FRMD4B: variants seen among roughly 807,000 people sequenced by gnomAD.
The protein encoded by FRMD4B is FERM domain-containing protein 4B.
A neutral mutation model predicts 141.5 loss-of-function variants in FRMD4B; 74 were observed. The observed-to-expected ratio is 0.52, with a 90% CI of 0.43 to 0.63. FRMD4B has a LOEUF of 0.63. FRMD4B is among the 30% of genes least tolerant of loss of function. The probability of loss-of-function intolerance (pLI) is 0.00; values close to 1 mark genes in which losing one functional copy is unlikely to be tolerated. For synonymous variants in FRMD4B, 506 were observed against 467.9 expected (o/e 1.08, Z -1.05); for missense variants, 1,366 against 1,253.4 (o/e 1.09, Z -1.36).
chr3:69,447,553 T>C (rs1705427830), intron 1 of FRMD4B, among the ~76,000 whole-genome samples: 2 of 152,238 alleles, frequency 1.3e-5, no homozygotes, highest in Admixed American at 6.5e-5. Flanking sequence ...GGAATATTTC[T>C]CTTTTTTTGA....
chr3:69,185,939 G>C (rs1032461034), intron 19 of FRMD4B, among the ~76,000 whole-genome samples: 2 of 151,938 alleles, frequency 1.3e-5, no homozygotes, highest in African/African-American at 4.8e-5. Flanking sequence ...CTACTTGGAA[G>C]GCTGAGGGGG....
At position 69,363,529 on chromosome 3, in the gene FRMD4B, A is replaced by G. The variant is rs1703539699; in HGVS notation, c.162+22299T>C. ...CTCAGCCTCCCGAGTAGCTGGGACT[A>G]CAGGCGCCTGCCACCACGCCTGGCT... On this transcript the variant is annotated intron_variant, in intron 1 of 22. Coordinates refer to ENST00000398540, the MANE Select transcript of FRMD4B (RefSeq NM_015123.3). Among the ~76,000 whole-genome samples the G allele has an allele frequency of 2.0e-5, 3 of 151,856 alleles. No individual in the cohort carries two copies. The South Asian group carries it at 6.2e-4, about 32-fold the overall frequency.
chr3:69,474,716 C>T (rs1705954634), intron 1 of FRMD4B, among the ~76,000 whole-genome samples: 1 of 152,172 alleles, frequency 6.6e-6, no homozygotes, highest in Non-Finnish European at 1.5e-5. Context: ...TGCTATTACT[C>T]ATCCATTCAG....
chr3:69,393,807 A>G (rs1490156105), intron 2 of FRMD4B, among the ~76,000 whole-genome samples: 1 of 152,176 alleles, frequency 6.6e-6, no homozygotes, highest in African/African-American at 2.4e-5. Flanking sequence ...GTTGATTCTC[A>G]CAATATATAT....
At chr3:69,260,283 G>A (rs974520307) in intron 5 of FRMD4B, among the ~76,000 whole-genome samples, 2 of 152,190 alleles carry the variant, frequency 1.3e-5, no homozygotes, top group African/African-American at 2.4e-5. Context: ...GCGCCAGCGG[G>A]AACCAGGGCT....
intron 1 of FRMD4B, among the ~76,000 whole-genome samples, chr3:69,371,914 T>C (rs915674054): frequency 6.6e-6 from 1 of 152,194 alleles, no homozygotes; most frequent in Non-Finnish European, 1.5e-5. Context: ...ACAAGTTATT[T>C]CCACATTTGA....
At chr3:69,381,065 G>A (rs753767678) in intron 1 of FRMD4B, among the ~76,000 whole-genome samples, 17 of 152,180 alleles carry the variant, frequency 1.1e-4, no homozygotes, top group Non-Finnish European at 2.1e-4. Flanking sequence ...GAAGGTGAAT[G>A]CTCATGTCTG....
At chr3:69,485,007 T>C (rs897407731) in intron 1 of FRMD4B, among the ~76,000 whole-genome samples, 4 of 152,138 alleles carry the variant, frequency 2.6e-5, no homozygotes, top group Non-Finnish European at 5.9e-5. Flanking sequence ...CCCAGGAGGC[T>C]TTCTGCCTCC....
chr3:69,322,597 T>C (rs1054511898), intron 1 of FRMD4B, among the ~76,000 whole-genome samples: 3 of 145,626 alleles, frequency 2.1e-5, no homozygotes, highest in Admixed American at 6.9e-5. Context: ...TCTCTCTCTT[T>C]TTTTTTTTTT....
At chr3:69,397,112 G>A (rs941074700) in intron 2 of FRMD4B, among the ~76,000 whole-genome samples, 6 of 152,124 alleles carry the variant, frequency 3.9e-5, no homozygotes, top group Admixed American at 3.3e-4. Flanking sequence ...AACAACTCAA[G>A]TGTCCATCAC....
intron 1 of FRMD4B, among the ~76,000 whole-genome samples, chr3:69,324,266 T>C (rs764982600): frequency 8.5e-5 from 13 of 152,228 alleles, no homozygotes; most frequent in Non-Finnish European, 1.3e-4. Flanking sequence ...CATATTACTC[T>C]GGGCTTAAGA....
At chr3:69,485,270 C>A (rs1431711855) in intron 1 of FRMD4B, among the ~76,000 whole-genome samples, 1 of 152,210 alleles carries the variant, frequency 6.6e-6, no homozygotes, top group Non-Finnish European at 1.5e-5. Context: ...TCGGGGGAGG[C>A]CAGGCAGCTG....
In FRMD4B at chr3:69,286,517, T is replaced by C. The variant is rs540224046; in HGVS notation, c.501+1235A>G. Among the ~76,000 whole-genome samples the C allele has an allele frequency of 7.9e-5, 12 of 152,316 alleles. 1 individual carries two copies. In the South Asian group the frequency reaches 1.9e-3, roughly 24 times the overall value. On this transcript the variant is annotated intron_variant, in intron 5 of 22. Coordinates refer to ENST00000398540, the MANE Select transcript of FRMD4B (RefSeq NM_015123.3). The stretch of plus-strand genomic sequence containing the variant: ...TAACCATGGAAACAACAAAGAGTTA[T>C]AGCTAATAATCCAACAAAAGAGGTA...
At chr3:69,473,276 C>G (rs137908629) in intron 1 of FRMD4B, among the ~76,000 whole-genome samples, 123 of 152,222 alleles carry the variant, frequency 8.1e-4, no homozygotes, top group Non-Finnish European at 1.5e-3. Context: ...AGGGTGAGGT[C>G]AGGTGCAATC....
chr3:69,497,756 C>T (rs898926911), intron 1 of FRMD4B, among the ~76,000 whole-genome samples: 2 of 152,038 alleles, frequency 1.3e-5, no homozygotes, highest in African/African-American at 4.8e-5. Flanking sequence ...GGTGCCCAGG[C>T]TGGAGTGCAA....
intron 1 of FRMD4B, among the ~76,000 whole-genome samples, chr3:69,321,475 G>A (rs914961890): frequency 6.6e-6 from 1 of 152,142 alleles, no homozygotes; most frequent in Admixed American, 6.5e-5. Flanking sequence ...CTTCTAGAGT[G>A]AAATCTGCCA....
intron 3 of FRMD4B, among the ~76,000 whole-genome samples, chr3:69,309,530 C>A (rs976146571): frequency 6.0e-5 from 9 of 150,840 alleles, no homozygotes; most frequent in Non-Finnish European, 3.0e-5. Context: ...GCAGCCTCAA[C>A]CTCCTGGGCT....
intron 21 of FRMD4B, 125 bp downstream of exon 21, chr3:69,180,774 C>T (rs1012242067): frequency 1.1e-5 from 7 of 648,766 alleles, no homozygotes; most frequent in South Asian, 6.0e-5. Context: ...TGTGGGGTTC[C>T]ACCGAATGGT....
At chr3:69,289,076 A>G (rs1211719718) in intron 4 of FRMD4B, among the ~76,000 whole-genome samples, 1 of 152,208 alleles carries the variant, frequency 6.6e-6, no homozygotes, top group Non-Finnish European at 1.5e-5. Context: ...AGTGAGGTTA[A>G]TGAAGATGGA....
Sources: gnomAD v4.1 joint callset for allele counts (sites outside exome capture counted in the v4.1 genomes callset) on GRCh38, gnomAD v4.1.1 for gene constraint, MANE v1.5 for transcripts, NCBI Gene and HGNC (gene_info 2026-07-23, HGNC 2026-07-21) for gene names.